AGMO: variants seen among roughly 807,000 people sequenced by gnomAD.
AGMO encodes the protein alkylglycerol monooxygenase, also known as glyceryl-ether monooxygenase.
Under a neutral mutation model 60.2 loss-of-function variants are expected in AGMO, and 75 were observed. The ratio of observed to expected loss-of-function variants is 1.25; its 90% CI spans 1.03 to 1.51. AGMO has a LOEUF of 1.51. AGMO is among the 40% of genes most tolerant of loss of function. The pLI, the probability that AGMO is intolerant of heterozygous loss-of-function variation, is 0.00. For missense variants in AGMO, 763 were observed against 525.5 expected, an observed-to-expected ratio of 1.45 and a Z score of -4.42; for synonymous variants, 261 against 177.1, an observed-to-expected ratio of 1.47 and a Z score of -3.76.
intron 12 of AGMO, among the ~76,000 whole-genome samples, chr7:15,340,540 C>T (rs897629683): frequency 6.6e-6 from 1 of 152,132 alleles, no homozygotes; most frequent in Non-Finnish European, 1.5e-5. Flanking sequence ...GCAGCCTCAG[C>T]ACTTGGTGCC....
At chr7:15,435,724 A>G (rs1382052754) in intron 3 of AGMO, among the ~76,000 whole-genome samples, 1 of 152,154 alleles carries the variant, frequency 6.6e-6, no homozygotes, top group East Asian at 1.9e-4. Flanking sequence ...TCCAGTTTAT[A>G]TTCTTGATGA....
chr7:15,381,766 C>T (rs1426919874), intron 10 of AGMO, among the ~76,000 whole-genome samples: 1 of 152,130 alleles, frequency 6.6e-6, no homozygotes, highest in African/African-American at 2.4e-5. Flanking sequence ...GACATGGAAT[C>T]AACCTAAATG....
chr7:15,170,527 C>T, the AGMO span, among the ~76,000 whole-genome samples: 3 of 151,972 alleles, frequency 2.0e-5, no homozygotes, highest in African/African-American at 7.2e-5. Context: ...TATGCACTTT[C>T]CACTAACCAA....
intron 4 of AGMO, among the ~76,000 whole-genome samples, chr7:15,430,477 T>C (rs1781198099): frequency 6.6e-6 from 1 of 151,760 alleles, no homozygotes; most frequent in African/African-American, 2.4e-5. Context: ...CTGGTATTCA[T>C]TAATCTTGTA....
intron 3 of AGMO, among the ~76,000 whole-genome samples, chr7:15,453,318 T>C (rs190234528): frequency 1.5e-4 from 23 of 152,346 alleles, no homozygotes; most frequent in African/African-American, 5.1e-4. Context: ...TTATAATATG[T>C]CTTTTCACTT....
At chr7:15,375,817 G>A (rs1783431234) in intron 10 of AGMO, among the ~76,000 whole-genome samples, 1 of 152,090 alleles carries the variant, frequency 6.6e-6, no homozygotes, top group Non-Finnish European at 1.5e-5. Flanking sequence ...AAATCTAAGT[G>A]AGGTTATGAT....
chr7:15,489,564 G>C (rs759440280), intron 3 of AGMO, among the ~76,000 whole-genome samples: 26 of 152,138 alleles, frequency 1.7e-4, no homozygotes, highest in Non-Finnish European at 3.5e-4. Context: ...GGTCAACCTT[G>C]TTTTATCACC....
chr7:15,120,676 TA>T, the AGMO span, among the ~76,000 whole-genome samples: 6 of 152,120 alleles, frequency 3.9e-5, no homozygotes, highest in African/African-American at 1.4e-4. Flanking sequence ...TCCAGAACTG[TA>T]AAAAATACAT....
intron 12 of AGMO, among the ~76,000 whole-genome samples, chr7:15,277,609 T>A (rs1340387570): frequency 6.6e-6 from 1 of 152,168 alleles, no homozygotes. Flanking sequence ...ATCTTCTGGC[T>A]TTGTTCCTTT....
chr7:15,199,449 T>C (rs888370398), downstream of AGMO, among the ~76,000 whole-genome samples: 6 of 152,200 alleles, frequency 3.9e-5, no homozygotes, highest in African/African-American at 7.2e-5. Flanking sequence ...ATCCTATAAA[T>C]TCACATATAT....
chr7:15,532,070 G>T (rs542618194), intron 3 of AGMO, among the ~76,000 whole-genome samples: 1 of 152,088 alleles, frequency 6.6e-6, no homozygotes, highest in African/African-American at 2.4e-5. Flanking sequence ...ACTATAATAT[G>T]ACTGCAATAC....
the AGMO span, among the ~76,000 whole-genome samples, chr7:15,185,183 T>C: frequency 2.6e-5 from 4 of 152,174 alleles, no homozygotes; most frequent in African/African-American, 9.6e-5. Flanking sequence ...CCTCCAAAAA[T>C]ACCATCATCT....
chr7:15,285,687 A>T (rs1784080853), intron 12 of AGMO, among the ~76,000 whole-genome samples: 1 of 152,102 alleles, frequency 6.6e-6, no homozygotes, highest in African/African-American at 2.4e-5. Flanking sequence ...CTATCAAAAT[A>T]CCAACATCAT....
intron 8 of AGMO, among the ~76,000 whole-genome samples, chr7:15,390,204 C>G (rs896643632): frequency 6.6e-6 from 1 of 151,924 alleles, no homozygotes; most frequent in Non-Finnish European, 1.5e-5. Flanking sequence ...TCTTAGCAAG[C>G]GAGGTAATGC....
the AGMO span, among the ~76,000 whole-genome samples, chr7:15,161,404 ATCTCTCTC>A: frequency 2.0e-5 from 3 of 150,344 alleles, no homozygotes; most frequent in Non-Finnish European, 4.4e-5. Flanking sequence ...AAATCTCTCT[ATCTCTCTC>A]TCTCTCTCTA....
At chr7:15,342,801 A>AAAAAT (rs1781905903) in intron 12 of AGMO, among the ~76,000 whole-genome samples, 1 of 107,892 alleles carries the variant, frequency 9.3e-6, no homozygotes, top group African/African-American at 4.2e-5. Flanking sequence ...AAAAAAAAAA[A>AAAAAT]AAAATTGATC....
At chr7:15,320,971 ACT>A (rs1430574304) in intron 12 of AGMO, among the ~76,000 whole-genome samples, 2 of 151,984 alleles carry the variant, frequency 1.3e-5, no homozygotes, top group African/African-American at 2.4e-5. Flanking sequence ...TTGTAAGGAA[ACT>A]CTCCCTCACT....
chr7:15,136,732 ATTG>A, the AGMO span, among the ~76,000 whole-genome samples: 1 of 151,402 alleles, frequency 6.6e-6, no homozygotes, highest in African/African-American at 2.4e-5. Context: ...GACCGCCTTT[ATTG>A]TTGTGTGATG....
chr7:15,319,112 T>C (rs1426606518), intron 12 of AGMO, among the ~76,000 whole-genome samples: 1 of 152,188 alleles, frequency 6.6e-6, no homozygotes, highest in African/African-American at 2.4e-5. Flanking sequence ...TATTTCTATT[T>C]TTCAAGAAGT....
Sources: allele counts gnomAD v4.1 joint callset (sites outside exome capture counted in the v4.1 genomes callset), GRCh38; gene constraint gnomAD v4.1.1; transcripts MANE v1.5; gene names NCBI Gene and HGNC (gene_info 2026-07-23, HGNC 2026-07-21).